The following RBFOX1 variants were observed in gnomAD, a reference collection of about 807,000 sequenced individuals.
The protein encoded by RBFOX1 is RNA binding protein fox-1 homolog 1.
In RBFOX1, 8 loss-of-function variants were observed where a neutral mutation model predicts 57.7. The ratio of observed to expected loss-of-function variants is 0.14; its 90% confidence interval spans 0.08 to 0.25. The LOEUF is 0.25. Ranked by LOEUF, RBFOX1 falls within the 10% of genes least tolerant of loss-of-function variation. The probability of loss-of-function intolerance (pLI) is 1.00; values close to 1 mark genes in which losing one functional copy is unlikely to be tolerated. For synonymous variants in RBFOX1, 326 were observed against 222.4 expected (o/e 1.47, Z -4.15); for missense variants, 611 against 548.5 (o/e 1.11, Z -1.14).
chr16:7,572,549 A>G (rs2092896148), intron 5 of RBFOX1, among the ~76,000 whole-genome samples: 1 of 152,088 alleles, frequency 6.6e-6, no homozygotes, highest in African/African-American at 2.4e-5. Context: ...CCCATCAAAA[A>G]TAATAATAGG....
chr16:7,282,356 A>T (rs1010615661), intron 4 of RBFOX1, among the ~76,000 whole-genome samples: 2 of 152,216 alleles, frequency 1.3e-5, no homozygotes, highest in East Asian at 3.9e-4. Flanking sequence ...GGGTCTTAGG[A>T]ATTCTTTAAT....
At chr16:5,322,535 G>T (rs1417223702) in intron 1 of RBFOX1, among the ~76,000 whole-genome samples, 2 of 152,070 alleles carry the variant, frequency 1.3e-5, no homozygotes, top group African/African-American at 2.4e-5. Flanking sequence ...TAATCCTCCG[G>T]CAAGACTAGG....
At position 6,629,973 on chromosome 16, in the gene RBFOX1, TAAAA is replaced by T. The variant is rs146210467; in HGVS notation, c.-63-24621_-63-24618del. ...TATTTCGGTAGGTTTTTTTTTTTTT[TAAAA>T]AAAAAAAAGACCATTGCTTTCAGAA... is the stretch of plus-strand genomic sequence containing the variant. On this transcript the variant is annotated intron_variant, in intron 2 of 15. Coordinates refer to ENST00000550418, the MANE Select transcript of RBFOX1 (RefSeq NM_018723.4). Among the ~76,000 whole-genome samples, 475 of 129,966 alleles carry T rather than the reference TAAAA, an allele frequency of 3.7e-3. 2 individuals carry two copies. The highest frequency in any genetic ancestry group is 0.013 in the African/African-American group (448 of 35,330). The allele number at this position is 129,966 out of a possible 152,430, so 85.3% of individuals were successfully genotyped here. A position where few individuals can be genotyped will look rare whatever the true frequency, so the allele number is the denominator to read the frequency against.
chr16:5,624,000 C>G lies in RBFOX1; in HGVS notation c.318+25039C>G, dbSNP rs144975982. ...AAGAAATCCCATACCAAGGCTTTTG[C>G]AGACTATTTGATTTGATCCTTACAG... On this transcript the variant is annotated intron_variant, in intron 3 of 19. Coordinates refer to the RBFOX1 transcript ENST00000641259. Among the ~76,000 whole-genome samples, 424 of 152,308 alleles carry G rather than the reference C, an allele frequency of 2.8e-3. 3 individuals carry two copies. The highest frequency in any genetic ancestry group is 9.9e-3 in the African/African-American group (412 of 41,558).
chr16:5,537,437 A>C (rs1009748067), intron 2 of RBFOX1, among the ~76,000 whole-genome samples: 1 of 152,258 alleles, frequency 6.6e-6, no homozygotes, highest in African/African-American at 2.4e-5. Flanking sequence ...TTTTATAGTT[A>C]TGTAGGCCAG....
rs142469284 is a variant in RBFOX1, at chr16:7,556,124, C to G, written c.271-23653C>G. Among the ~76,000 whole-genome samples, 653 of 152,330 alleles carry G rather than the reference C, an allele frequency of 4.3e-3. 4 individuals are homozygous for G. Among genetic ancestry groups the G allele is most frequent in the African/African-American group, 0.015 (618 of 41,568 alleles). ...CATTGTGGTAAACACTCTAAATTTT[C>G]TAGATCTTGTGGCATCTTCATGATA... On this transcript the variant is annotated intron_variant, in intron 5 of 15. Coordinates refer to ENST00000550418, the MANE Select transcript of RBFOX1 (RefSeq NM_018723.4).
chr16:5,813,906 A>G (rs912267811), intron 3 of RBFOX1, among the ~76,000 whole-genome samples: 1 of 152,270 alleles, frequency 6.6e-6, no homozygotes. Context: ...ATTATAATAG[A>G]TGAAATTTTA....
chr16:7,082,358 ATCAT>A (rs2059332084), intron 4 of RBFOX1, among the ~76,000 whole-genome samples: 3 of 152,006 alleles, frequency 2.0e-5, no homozygotes, highest in Non-Finnish European at 4.4e-5. Context: ...AGGTGGGTGG[ATCAT>A]TTGAGGCCAG....
At chr16:7,596,824 G>T (rs942863548) in intron 8 of RBFOX1, among the ~76,000 whole-genome samples, 2 of 152,122 alleles carry the variant, frequency 1.3e-5, no homozygotes, top group Non-Finnish European at 2.9e-5. Context: ...AAGCTTGAAT[G>T]ATTTTGTTAA....
At chr16:5,526,089 C>A (rs1225532333) in intron 2 of RBFOX1, among the ~76,000 whole-genome samples, 2 of 151,966 alleles carry the variant, frequency 1.3e-5, no homozygotes, top group Admixed American at 6.6e-5. Flanking sequence ...ACAGTACCAG[C>A]CCCTCTCTTT....
rs1016143236 is a variant in RBFOX1 at position 6,856,336 on chromosome 16, C to T, written c.-15-195721C>T. Among the ~76,000 whole-genome samples, 6 of 152,092 alleles carry T rather than the reference C, an allele frequency of 3.9e-5. No homozygotes were observed. In the South Asian group the frequency reaches 1.0e-3, roughly 26 times the overall value. On this transcript the variant is annotated intron_variant, in intron 3 of 15. Coordinates refer to ENST00000550418, the MANE Select transcript of RBFOX1 (RefSeq NM_018723.4). The stretch of plus-strand genomic sequence containing the variant: ...CCCAATTCATATTGTTTTGAAGCCA[C>T]GTCTGAATTCTGAGTAACTAGGATG...
At chr16:6,450,801 G>GTATATATATA (rs1186562440) in intron 2 of RBFOX1, among the ~76,000 whole-genome samples, 1 of 16,460 alleles carries the variant, frequency 6.1e-5, no homozygotes, top group Non-Finnish European at 1.2e-4. Context: ...ATATATATAT[G>GTATATATATA]TATATATATA....
At chr16:6,826,180 A>T (rs1458610268) in intron 3 of RBFOX1, among the ~76,000 whole-genome samples, 2 of 152,030 alleles carry the variant, frequency 1.3e-5, no homozygotes, top group African/African-American at 4.8e-5. Flanking sequence ...CATCGTCGCC[A>T]CGTAGGTTGT....
chr16:5,436,176 A>G (rs1460284973), intron 1 of RBFOX1, among the ~76,000 whole-genome samples: 1 of 152,150 alleles, frequency 6.6e-6, no homozygotes, highest in Non-Finnish European at 1.5e-5. Context: ...CTGGGGAGAG[A>G]CACTTCAATG....
At chr16:7,228,553 C>T (rs2093295043) in intron 4 of RBFOX1, among the ~76,000 whole-genome samples, 1 of 152,032 alleles carries the variant, frequency 6.6e-6, no homozygotes, top group Admixed American at 6.6e-5. Flanking sequence ...AACTGAAAAC[C>T]AGAGAAGTGA....
At chr16:6,578,457 C>A (rs1200394441) in intron 2 of RBFOX1, among the ~76,000 whole-genome samples, 1 of 152,114 alleles carries the variant, frequency 6.6e-6, no homozygotes, top group South Asian at 2.1e-4. Flanking sequence ...TGATCTGCTT[C>A]TCTGGGTATT....
chr16:6,100,091 T>G (rs1052886053), intron 1 of RBFOX1, among the ~76,000 whole-genome samples: 2 of 152,188 alleles, frequency 1.3e-5, no homozygotes, highest in Admixed American at 1.3e-4. Flanking sequence ...TGCTCTAAAG[T>G]AGTCAACTTC....
intron 3 of RBFOX1, among the ~76,000 whole-genome samples, chr16:6,679,919 G>A (rs1356245291): frequency 9.1e-6 from 1 of 109,690 alleles, no homozygotes; most frequent in Non-Finnish European, 1.8e-5. Flanking sequence ...ACTTTTCTGA[G>A]CTTTGCCTAA....
chr16:6,039,922 G>T (rs1020227168), intron 1 of RBFOX1, among the ~76,000 whole-genome samples: 3 of 152,188 alleles, frequency 2.0e-5, no homozygotes, highest in African/African-American at 7.2e-5. Flanking sequence ...CCCTTCAGTG[G>T]TTACTGATCA....
Sources: gnomAD v4.1 joint callset for allele counts (sites outside exome capture counted in the v4.1 genomes callset) on GRCh38, gnomAD v4.1.1 for gene constraint, MANE v1.5 for transcripts, NCBI Gene and HGNC (gene_info 2026-07-23, HGNC 2026-07-21) for gene names.